The following ZDHHC14 variants were observed in gnomAD, a reference collection of about 807,000 sequenced individuals.
ZDHHC14 encodes zDHHC palmitoyltransferase 14.
ZDHHC14 carries 16 observed loss-of-function variants against 47.7 expected under a neutral mutation model. The observed-to-expected ratio is 0.34, with a 90% CI of 0.23 to 0.51. The LOEUF is 0.51. Among genes scored for constraint, ZDHHC14 ranks in the 20% least tolerant of loss-of-function variants. ZDHHC14 has a pLI of 0.97. For synonymous variants in ZDHHC14, 293 were observed against 278.9 expected, an observed-to-expected ratio of 1.05 and a Z score of -0.50; for missense variants, 515 against 662.5, an observed-to-expected ratio of 0.78 and a Z score of 2.44.
intron 1 of ZDHHC14, among the ~76,000 whole-genome samples, chr6:157,428,242 A>C (rs1279271022): frequency 6.6e-6 from 1 of 152,122 alleles, no homozygotes; most frequent in East Asian, 1.9e-4. Flanking sequence ...CACACACACC[A>C]CAGAGACCCT....
intron 1 of ZDHHC14, among the ~76,000 whole-genome samples, chr6:157,391,343 A>G (rs550699530): frequency 6.6e-6 from 1 of 152,178 alleles, no homozygotes; most frequent in African/African-American, 2.4e-5. Context: ...CAGCTTTTGG[A>G]GGGCTACTGC....
chr6:157,650,736 T>G (rs1777793754), intron 7 of ZDHHC14, among the ~76,000 whole-genome samples: 1 of 152,016 alleles, frequency 6.6e-6, no homozygotes, highest in South Asian at 2.1e-4. Flanking sequence ...CTGCCAAGTT[T>G]ATTGACAGTT....
At chr6:157,595,882 T>C (rs1311249468) in intron 3 of ZDHHC14, among the ~76,000 whole-genome samples, 1 of 152,124 alleles carries the variant, frequency 6.6e-6, no homozygotes, top group Non-Finnish European at 1.5e-5. Context: ...TGGTGGTCTA[T>C]GTATGGGAGA....
intron 5 of ZDHHC14, among the ~76,000 whole-genome samples, chr6:157,642,078 T>C (rs532104489): frequency 6.7e-6 from 1 of 149,764 alleles, no homozygotes; most frequent in East Asian, 2.0e-4. Context: ...AGTTATCATG[T>C]TGGAAATTAG....
intron 1 of ZDHHC14, among the ~76,000 whole-genome samples, chr6:157,462,806 T>C (rs1779123785): frequency 6.6e-6 from 1 of 152,260 alleles, no homozygotes; most frequent in African/African-American, 2.4e-5. Flanking sequence ...GGCGGGGGCC[T>C]CTTCCTGCCC....
At chr6:157,592,763 T>C in intron 2 of ZDHHC14, 3 of 1,334,796 alleles carry the variant, frequency 2.2e-6, no homozygotes, top group Non-Finnish European at 1.9e-6. Context: ...CTGTGCTCCA[T>C]TGGCCAGAGC....
chr6:157,549,236 C>T (rs1328421952), intron 2 of ZDHHC14, among the ~76,000 whole-genome samples: 1 of 152,246 alleles, frequency 6.6e-6, no homozygotes, highest in African/African-American at 2.4e-5. Context: ...CAGCCTCGAG[C>T]TTCGAAACAG....
intron 1 of ZDHHC14, among the ~76,000 whole-genome samples, chr6:157,425,835 C>T (rs1411309994): frequency 1.3e-5 from 2 of 152,182 alleles, no homozygotes; most frequent in African/African-American, 4.8e-5. Context: ...GCTTCTAGAA[C>T]GTGCTGTGCC....
rs543010230 is a variant in ZDHHC14, at chr6:157,657,604, C to T, written c.1068+3977C>T. 2.0e-5 allele frequency among the ~76,000 whole-genome samples: 3 copies of T among 152,318 alleles called. No homozygotes were observed. In the East Asian group the frequency reaches 5.8e-4, roughly 29 times the overall value. The stretch of plus-strand genomic sequence containing the variant: ...TGGACCCCATGCTAAAGAAGCCCTC[C>T]ATCAGTGAGTACCATGGTCTACCGC... On this transcript the variant is annotated intron_variant, in intron 8 of 8. Coordinates refer to ENST00000359775, the MANE Select transcript of ZDHHC14 (RefSeq NM_024630.3).
intron 1 of ZDHHC14, among the ~76,000 whole-genome samples, chr6:157,406,389 TGATA>T (rs1234176853): frequency 1.3e-5 from 2 of 152,264 alleles, no homozygotes; most frequent in Non-Finnish European, 2.9e-5. Context: ...GTTATGATGT[TGATA>T]GATTAGGACA....
At chr6:157,634,680 C>T (rs759318954) in intron 5 of ZDHHC14, among the ~76,000 whole-genome samples, 3 of 152,244 alleles carry the variant, frequency 2.0e-5, no homozygotes, top group Non-Finnish European at 4.4e-5. Flanking sequence ...TTTTCTGAAG[C>T]CTCACATATG....
chr6:157,560,096 G>T (rs1026008186), intron 2 of ZDHHC14, among the ~76,000 whole-genome samples: 7 of 152,178 alleles, frequency 4.6e-5, no homozygotes, highest in Non-Finnish European at 7.3e-5. Flanking sequence ...GCAGGCACAG[G>T]GTGGTGGCCA....
At chr6:157,659,949 T>C (rs971855964) in intron 8 of ZDHHC14, among the ~76,000 whole-genome samples, 6 of 152,296 alleles carry the variant, frequency 3.9e-5, no homozygotes, top group African/African-American at 1.4e-4. Flanking sequence ...GTTTATTTGC[T>C]CTAGAACCAT....
intron 1 of ZDHHC14, among the ~76,000 whole-genome samples, chr6:157,478,757 T>G (rs1209783244): frequency 6.6e-6 from 1 of 152,238 alleles, no homozygotes; most frequent in South Asian, 2.1e-4. Flanking sequence ...ACACTTAGAA[T>G]AGTGCCTGGG....
intron 2 of ZDHHC14, among the ~76,000 whole-genome samples, chr6:157,574,435 G>A (rs1353846739): frequency 6.6e-6 from 1 of 152,024 alleles, no homozygotes; most frequent in Non-Finnish European, 1.5e-5. Context: ...ATAAACATTG[G>A]AGCACCCGTG....
intron 8 of ZDHHC14, among the ~76,000 whole-genome samples, chr6:157,668,958 A>T (rs953190088): frequency 2.6e-5 from 4 of 152,008 alleles, no homozygotes; most frequent in Admixed American, 1.3e-4. Flanking sequence ...GCCATGGGAG[A>T]CCTCCTTTAA....
chr6:157,471,646 A>G (rs1259407160), intron 1 of ZDHHC14, among the ~76,000 whole-genome samples: 7 of 152,114 alleles, frequency 4.6e-5, no homozygotes, highest in Admixed American at 1.3e-4. Context: ...AACCAAACCT[A>G]CTTTGCTGAG....
At chr6:157,643,605 G>T (rs1777361779) in intron 5 of ZDHHC14, among the ~76,000 whole-genome samples, 1 of 140,506 alleles carries the variant, frequency 7.1e-6, no homozygotes, top group African/African-American at 2.6e-5. Flanking sequence ...CTGAGATCAT[G>T]CCACTGTACT....
intron 1 of ZDHHC14, among the ~76,000 whole-genome samples, chr6:157,493,493 C>T (rs1248460080): frequency 6.6e-6 from 1 of 152,218 alleles, no homozygotes; most frequent in East Asian, 1.9e-4. Flanking sequence ...TGCAAATCCC[C>T]TGAAGCCAGA....
Sources: gnomAD v4.1 joint callset for allele counts (sites outside exome capture counted in the v4.1 genomes callset) on GRCh38, gnomAD v4.1.1 for gene constraint, MANE v1.5 for transcripts, NCBI Gene and HGNC (gene_info 2026-07-23, HGNC 2026-07-21) for gene names.